CPM: variants seen among roughly 807,000 people sequenced by gnomAD.
CPM encodes renal carboxypeptidase.
Under a neutral mutation model 46.4 loss-of-function variants are expected in CPM, and 35 were observed. That is an observed-to-expected ratio of 0.75 (90% CI 0.58 to 1.00). The LOEUF (loss-of-function observed/expected upper bound fraction) is 1.00. Among genes scored for constraint, CPM ranks in the 50% least tolerant of loss-of-function variants. The pLI is 0.00. For synonymous variants in CPM, 195 were observed against 195.3 expected, an observed-to-expected ratio of 1.00 and a Z score of 0.01; for missense variants, 422 against 530.4, an observed-to-expected ratio of 0.80 and a Z score of 2.01.
chr12:68,866,073 C>T (rs543165087), intron 7 of CPM, among the ~76,000 whole-genome samples: 85 of 152,286 alleles, frequency 5.6e-4, no homozygotes, highest in African/African-American at 1.9e-3. Context: ...AGATTTCTAG[C>T]ACCAGGACAT....
At chr12:68,943,445 A>G (rs1171070610) in intron 1 of CPM, among the ~76,000 whole-genome samples, 1 of 152,218 alleles carries the variant, frequency 6.6e-6, no homozygotes, top group African/African-American at 2.4e-5. Context: ...GATACAACAG[A>G]TAGTATATGT....
chr12:68,954,714 C>T (rs1888985208), intron 1 of CPM, among the ~76,000 whole-genome samples: 1 of 152,114 alleles, frequency 6.6e-6, no homozygotes, highest in Non-Finnish European at 1.5e-5. Flanking sequence ...TTTAATAGGC[C>T]TCTCAAACTC....
intron 1 of CPM, among the ~76,000 whole-genome samples, chr12:68,948,872 C>T (rs1334463753): frequency 5.9e-5 from 9 of 152,156 alleles, no homozygotes; most frequent in Non-Finnish European, 7.3e-5. Flanking sequence ...AAATATGATG[C>T]TCTAACCTTG....
At chr12:68,847,452 C>CTTTTTTTTTTTTTTTT (rs772905678), downstream of CPM, 9 of 88,692 alleles carry the variant, frequency 1.0e-4, 1 homozygote, top group African/African-American at 3.9e-4. Context: ...TATCTCCTTT[C>CTTTTTTTTTTTTTTTT]TTTTTTTTTT....
intron 3 of CPM, among the ~76,000 whole-genome samples, chr12:68,872,252 C>CTTTTTTTTT (rs10659287): frequency 1.7e-5 from 2 of 117,250 alleles, no homozygotes; most frequent in Non-Finnish European, 1.6e-5. Flanking sequence ...CTGCTGCTTC[C>CTTTTTTTTT]TTTTTTTTTT....
chr12:68,932,652 C>CA, intron 2 of CPM, 26 bp downstream of exon 2: 5 of 1,611,202 alleles, frequency 3.1e-6, no homozygotes, highest in Non-Finnish European at 3.4e-6. Flanking sequence ...GAGGGTTTGG[C>CA]AAAGTGTTCA....
chr12:68,885,581 G>C (rs1197861591), intron 3 of CPM, among the ~76,000 whole-genome samples: 1 of 152,166 alleles, frequency 6.6e-6, no homozygotes, highest in Non-Finnish European at 1.5e-5. Flanking sequence ...ACAGGGTGCT[G>C]GGTACACAAC....
At chr12:68,885,470 T>C (rs1886386897) in intron 3 of CPM, among the ~76,000 whole-genome samples, 2 of 152,170 alleles carry the variant, frequency 1.3e-5, no homozygotes, top group Admixed American at 1.3e-4. Flanking sequence ...GTGGGAAAAC[T>C]TAACCCAGAA....
Position 68,907,627 on chromosome 12 carries a change from G to A in CPM, c.161-21738C>T, listed in dbSNP as rs76822522. 2.4e-3 allele frequency among the ~76,000 whole-genome samples: 369 copies of A among 152,262 alleles called. 1 individual carries two copies. The highest frequency in any genetic ancestry group is 8.4e-3 in the African/African-American group (349 of 41,550). Reference sequence around the variant, plus strand: ...GTGATTTGGGGTAGGTTAGCCCAGCGGCTCCCACTCCACCTGCCTTTAAAG... The same window carrying A: ...GTGATTTGGGGTAGGTTAGCCCAGCAGCTCCCACTCCACCTGCCTTTAAAG... On this transcript the variant is annotated intron_variant, in intron 2 of 8. Transcript: ENST00000551568.
intron 1 of CPM, among the ~76,000 whole-genome samples, chr12:68,939,111 CTACA>C (rs577389507): frequency 8.3e-5 from 12 of 144,930 alleles, no homozygotes; most frequent in African/African-American, 3.0e-4. Context: ...TATACATTTA[CTACA>C]TACATATATG....
chr12:68,874,970 C>A (rs1015233100), intron 3 of CPM, among the ~76,000 whole-genome samples: 1 of 152,172 alleles, frequency 6.6e-6, no homozygotes, highest in Non-Finnish European at 1.5e-5. Flanking sequence ...AGTAAAGAAA[C>A]CATGATTAGG....
In CPM at chr12:68,853,117, T is replaced by C. The variant is rs1423864543; in HGVS notation, c.*3320A>G. The C allele has an allele frequency of 2.6e-5, 4 of 152,196 alleles. No individual in the cohort carries two copies. Among genetic ancestry groups the C allele is most frequent in the African/African-American group, 9.7e-5 (4 of 41,440 alleles). The allele number at this position is 152,196 out of a possible 1,614,324, so 9.4% of individuals were successfully genotyped here. A position where few individuals can be genotyped will look rare whatever the true frequency, so the allele number is the denominator to read the frequency against. On this transcript the variant is annotated 3_prime_UTR_variant, in exon 9 of 9. Transcript: ENST00000551568. Reference sequence around the variant, plus strand: ...ATTTTGAGTCTGATAGATAACTAAATTCTGATTTTAAAAACTATTTCAGCA... The same window carrying C: ...ATTTTGAGTCTGATAGATAACTAAACTCTGATTTTAAAAACTATTTCAGCA...
At position 68,866,791 on chromosome 12, in the gene CPM, T is replaced by C. The variant is rs1885468890; in HGVS notation, c.940+105A>G. The C allele has an allele frequency of 3.2e-6, 3 of 938,572 alleles. No individual in the cohort carries two copies. The South Asian group carries it at 4.8e-5, about 15-fold the overall frequency. The allele number at this position is 938,572 out of a possible 1,614,324, so 58.1% of individuals were successfully genotyped here. On this transcript the variant is annotated intron_variant, in intron 7 of 8. Transcript: ENST00000551568. Reference sequence around the variant, plus strand: ...ATCAGATCTGGCACTGAAATGAGGCTATAACTACAAAGCATAAATAAAGGC... The same window carrying C: ...ATCAGATCTGGCACTGAAATGAGGCCATAACTACAAAGCATAAATAAAGGC...
chr12:68,924,176 A>C (rs1243703299), intron 2 of CPM, among the ~76,000 whole-genome samples: 1 of 151,556 alleles, frequency 6.6e-6, no homozygotes, highest in East Asian at 1.9e-4. Context: ...AAAACCTAAA[A>C]TTGTGGGGAA....
chr12:68,868,562 C>A (rs944108287), intron 6 of CPM, among the ~76,000 whole-genome samples: 2 of 152,092 alleles, frequency 1.3e-5, no homozygotes, highest in Non-Finnish European at 2.9e-5. Flanking sequence ...CACCCTAGGT[C>A]CCTCCTACCC....
intron 1 of CPM, among the ~76,000 whole-genome samples, chr12:68,940,564 C>T (rs1888744501): frequency 6.7e-6 from 1 of 150,148 alleles, no homozygotes; most frequent in South Asian, 2.1e-4. Flanking sequence ...CAATCCTTAA[C>T]CCCTACCTAC....
chr12:68,881,913 G>A (rs1036966286), intron 3 of CPM, among the ~76,000 whole-genome samples: 3 of 150,642 alleles, frequency 2.0e-5, no homozygotes, highest in Non-Finnish European at 3.0e-5. Flanking sequence ...GTAGAGATGG[G>A]GTTTCACCAT....
At chr12:68,868,289 T>A (rs1412320204) in intron 6 of CPM, among the ~76,000 whole-genome samples, 1 of 152,094 alleles carries the variant, frequency 6.6e-6, no homozygotes, top group African/African-American at 2.4e-5. Flanking sequence ...CTGTTGCCTA[T>A]CAGTTGTGGT....
At chr12:68,870,475 GT>G in intron 4 of CPM, 76 bp from the exon 5 acceptor site, 3 of 1,337,324 alleles carry the variant, frequency 2.2e-6, no homozygotes, top group Non-Finnish European at 3.1e-6. Context: ...TTGCCCTTTG[GT>G]TTAGGCTCCA....
Sources: gnomAD v4.1 joint callset for allele counts (sites outside exome capture counted in the v4.1 genomes callset) on GRCh38, gnomAD v4.1.1 for gene constraint, MANE v1.5 for transcripts, NCBI Gene and HGNC (gene_info 2026-07-23, HGNC 2026-07-21) for gene names.